The following RBX1 variants were observed in gnomAD, a reference collection of about 807,000 sequenced individuals.
The protein encoded by RBX1 is E3 ubiquitin-protein ligase RBX1.
For missense variants in RBX1, 46 were observed against 141.4 expected, an observed-to-expected ratio of 0.33 and a Z score of 3.42; for synonymous variants, 48 against 47.9, an observed-to-expected ratio of 1.00 and a Z score of -0.01.
chr22:40,966,098 T>G (rs2058353619), intron 3 of RBX1: 1 of 152,180 alleles, frequency 6.6e-6, no homozygotes. Context: ...TGTCTGGGTT[T>G]CAGTTTCCTG....
rs116515720 is a variant in RBX1, at chr22:40,962,347, G to A, written c.158-1700G>A. Among the ~76,000 whole-genome samples, 811 of 152,190 alleles carry A rather than the reference G, an allele frequency of 5.3e-3. 9 individuals carry two copies. The highest frequency in any genetic ancestry group is 0.018 in the African/African-American group (767 of 41,510). ...GAATTCCTGACTTCAGCCTCTCATA[G>A]TGCTGGCATTACAGGTGTGAGCCAA... On this transcript the variant is annotated intron_variant, in intron 2 of 4. Transcript: ENST00000216225.
intron 3 of RBX1, chr22:40,966,564 A>C (rs527291683): frequency 1.3e-5 from 2 of 152,336 alleles, no homozygotes; most frequent in South Asian, 4.1e-4. Context: ...GGATCTTCCA[A>C]AAGGCTGTCA....
intron 3 of RBX1, 76 bp from the exon 4 acceptor site, chr22:40,967,723 C>A (rs111469799): frequency 2.6e-6 from 3 of 1,176,168 alleles, no homozygotes; most frequent in East Asian, 5.0e-5. Context: ...CATGCCACTA[C>A]CCTGTGGGAC....
chr22:40,969,049 C>T (rs1330467553), intron 4 of RBX1, among the ~76,000 whole-genome samples: 1 of 152,046 alleles, frequency 6.6e-6, no homozygotes, highest in Non-Finnish European at 1.5e-5. Context: ...CACGGTGGCT[C>T]ACGCCTGTAA....
intron 2 of RBX1, among the ~76,000 whole-genome samples, chr22:40,956,574 C>T (rs2058326049): frequency 6.6e-6 from 1 of 151,724 alleles, no homozygotes; most frequent in Non-Finnish European, 1.5e-5. Flanking sequence ...TGGTCTCAAA[C>T]TCCTGACCTC....
At chr22:40,962,090 G>GGTTTGTTT (rs537349410) in intron 2 of RBX1, among the ~76,000 whole-genome samples, 7,399 of 151,726 alleles carry the variant, frequency 0.049, 568 homozygotes, top group African/African-American at 0.17. Flanking sequence ...AGCCTTTTAT[G>GGTTTGTTT]GTTTGTTTGT....
chr22:40,955,634 T>C (rs537606975), intron 2 of RBX1, among the ~76,000 whole-genome samples: 2 of 152,370 alleles, frequency 1.3e-5, no homozygotes, highest in South Asian at 2.1e-4. Context: ...AGTAGTCACA[T>C]GTGGTTAATA....
At chr22:40,967,686 T>C in intron 3 of RBX1, 113 bp from the exon 4 acceptor site, 1 of 721,626 alleles carries the variant, frequency 1.4e-6, no homozygotes, top group Non-Finnish European at 2.3e-6. Context: ...TTGTCTTCTT[T>C]TCTTTTCTTG....
chr22:40,963,937 A>G lies in RBX1; in HGVS notation c.158-110A>G, dbSNP rs149691322. 1,673 of 775,146 alleles carry G rather than the reference A, an allele frequency of 2.2e-3. 34 individuals are homozygous for G. In the East Asian group the frequency reaches 0.039, roughly 18 times the overall value. The allele number at this position is 775,146 out of a possible 1,614,324, so 48.0% of individuals were successfully genotyped here. On this transcript the variant is annotated intron_variant, in intron 2 of 4. Coordinates refer to ENST00000216225, the MANE Select transcript of RBX1 (RefSeq NM_014248.4). The stretch of plus-strand genomic sequence containing the variant: ...TCTCTGTTCTTCCTTTCCCACATTC[A>G]TTAAAAAACAATTATGGCTAATTAA...
intron 2 of RBX1, among the ~76,000 whole-genome samples, chr22:40,960,830 C>T (rs1555894268): frequency 6.6e-6 from 1 of 152,048 alleles, no homozygotes; most frequent in Non-Finnish European, 1.5e-5. Flanking sequence ...GCGATCCCAG[C>T]TCACTGCAAC....
chr22:40,957,466 C>T (rs1031795823), intron 2 of RBX1, among the ~76,000 whole-genome samples: 2 of 151,684 alleles, frequency 1.3e-5, no homozygotes, highest in East Asian at 2.0e-4. Flanking sequence ...GGCAACATGG[C>T]GAAACCCTGT....
chr22:40,953,500 AGTAT>A, intron 1 of RBX1, 51 bp from the exon 2 acceptor site: 2 of 1,175,162 alleles, frequency 1.7e-6, no homozygotes, highest in South Asian at 2.4e-5. Flanking sequence ...GGTCCTAAAG[AGTAT>A]GTGTGTGTGT....
chr22:40,970,791 T>A lies in RBX1; in HGVS notation c.315-1685T>A, dbSNP rs545722260. ...TGTTTGTGAAATGTTTAGAAATCCA[T>A]TATTGGTGCAGTGATTTTGCCTTTA... On this transcript the variant is annotated intron_variant, in intron 4 of 4. Coordinates refer to ENST00000216225, the MANE Select transcript of RBX1 (RefSeq NM_014248.4). 3.9e-5 allele frequency among the ~76,000 whole-genome samples: 6 copies of A among 152,310 alleles called. No homozygotes were observed. The South Asian group carries it at 1.2e-3, about 32-fold the overall frequency.
At chr22:40,961,622 G>T (rs2058340648) in intron 2 of RBX1, among the ~76,000 whole-genome samples, 1 of 151,512 alleles carries the variant, frequency 6.6e-6, no homozygotes, top group South Asian at 2.1e-4. Flanking sequence ...GCCAGGATGG[G>T]CTCGATCTCC....
At chr22:40,962,192 C>G (rs952040427) in intron 2 of RBX1, among the ~76,000 whole-genome samples, 12 of 152,118 alleles carry the variant, frequency 7.9e-5, no homozygotes, top group African/African-American at 2.9e-4. Flanking sequence ...ACCTCTGCCC[C>G]TTGGGTTCAA....
At chr22:40,958,609 C>G (rs1433977533) in intron 2 of RBX1, among the ~76,000 whole-genome samples, 2 of 152,086 alleles carry the variant, frequency 1.3e-5, no homozygotes, top group Non-Finnish European at 2.9e-5. Context: ...CTGTCTCCTT[C>G]CTTGGTTGTA....
At chr22:40,967,571 C>T (rs1433375062) in intron 3 of RBX1, 5 of 430,596 alleles carry the variant, frequency 1.2e-5, no homozygotes, top group Non-Finnish European at 2.1e-5. Context: ...CCTGTGCTTC[C>T]TGAATGATTT....
chr22:40,962,434 C>G (rs112013335), intron 2 of RBX1, among the ~76,000 whole-genome samples: 2 of 151,478 alleles, frequency 1.3e-5, no homozygotes, highest in African/African-American at 2.4e-5. Context: ...ATCATGGTAT[C>G]TCTTCCCCTA....
At chr22:40,961,370 C>T (rs954313365) in intron 2 of RBX1, among the ~76,000 whole-genome samples, 1 of 151,838 alleles carries the variant, frequency 6.6e-6, no homozygotes, top group Non-Finnish European at 1.5e-5. Flanking sequence ...CAGGTGTGAG[C>T]GACTGTGCCT....
Sources: allele counts gnomAD v4.1 joint callset (sites outside exome capture counted in the v4.1 genomes callset), GRCh38; gene constraint gnomAD v4.1.1; transcripts MANE v1.5; gene names NCBI Gene and HGNC (gene_info 2026-07-23, HGNC 2026-07-21).